The following CTNNA3 variants were observed in gnomAD, a reference collection of about 807,000 sequenced individuals.
CTNNA3 encodes catenin alpha-3.
A neutral mutation model predicts 95.7 loss-of-function variants in CTNNA3; 76 were observed. The ratio of observed to expected loss-of-function variants is 0.79; its 90% CI spans 0.66 to 0.96. CTNNA3 has a LOEUF of 0.96. CTNNA3 is among the 40% of genes least tolerant of loss of function. CTNNA3 has a pLI of 0.00. For synonymous variants in CTNNA3, 431 were observed against 374.4 expected (o/e 1.15, Z -1.74); for missense variants, 1,191 against 1,089.8 (o/e 1.09, Z -1.31).
At chr10:66,539,902 C>A (rs1256254102) in intron 10 of CTNNA3, among the ~76,000 whole-genome samples, 1 of 152,078 alleles carries the variant, frequency 6.6e-6, no homozygotes, top group Admixed American at 6.6e-5. Context: ...TTTAAAAGTA[C>A]TACCTTAAAG....
intron 7 of CTNNA3, among the ~76,000 whole-genome samples, chr10:67,011,123 G>A (rs1852303436): frequency 6.6e-6 from 1 of 151,936 alleles, no homozygotes. Flanking sequence ...AAGTCAAGGG[G>A]TCAAGACCAT....
chr10:66,043,198 A>C (rs1473281341), intron 15 of CTNNA3, among the ~76,000 whole-genome samples: 2 of 151,628 alleles, frequency 1.3e-5, no homozygotes, highest in Non-Finnish European at 2.9e-5. Flanking sequence ...CAAAAAGATA[A>C]ATGATTTAAT....
intron 11 of CTNNA3, among the ~76,000 whole-genome samples, chr10:66,486,579 T>G (rs1318601963): frequency 6.6e-6 from 1 of 152,158 alleles, no homozygotes; most frequent in Non-Finnish European, 1.5e-5. Context: ...CGGGAAGCTT[T>G]GTACACTGTT....
chr10:67,664,179 A>C (rs912280889), intron 1 of CTNNA3, among the ~76,000 whole-genome samples: 1 of 152,190 alleles, frequency 6.6e-6, no homozygotes, highest in Admixed American at 6.5e-5. Context: ...TTTATTTTAA[A>C]CATTGTCTTG....
At chr10:67,320,024 A>C (rs1589162110) in intron 5 of CTNNA3, among the ~76,000 whole-genome samples, 1 of 152,200 alleles carries the variant, frequency 6.6e-6, no homozygotes, top group East Asian at 1.9e-4. Flanking sequence ...CAAACTAGGC[A>C]CATGTCCTCA....
intron 13 of CTNNA3, among the ~76,000 whole-genome samples, chr10:66,178,399 GTATATA>G (rs71035113): frequency 0.033 from 2,990 of 90,640 alleles, 44 homozygotes; most frequent in Non-Finnish European, 0.047. Context: ...CCTTGAAAGT[GTATATA>G]TATATATATA....
At chr10:67,398,433 A>AC (rs1018162994) in intron 5 of CTNNA3, among the ~76,000 whole-genome samples, 1 of 152,150 alleles carries the variant, frequency 6.6e-6, no homozygotes, top group Non-Finnish European at 1.5e-5. Flanking sequence ...CAACACCTGT[A>AC]CCCCCATTTT....
intron 5 of CTNNA3, among the ~76,000 whole-genome samples, chr10:67,386,503 C>G (rs531257588): frequency 6.6e-6 from 1 of 152,186 alleles, no homozygotes; most frequent in African/African-American, 2.4e-5. Flanking sequence ...TACCTAAGAT[C>G]TGACTTCAAC....
intron 10 of CTNNA3, among the ~76,000 whole-genome samples, chr10:66,547,979 A>G (rs1050254260): frequency 6.6e-6 from 1 of 151,146 alleles, no homozygotes; most frequent in Middle Eastern, 3.2e-3. Flanking sequence ...GCAATGGTGC[A>G]ATCTTGGCTC....
intron 16 of CTNNA3, among the ~76,000 whole-genome samples, chr10:65,979,184 C>G (rs1417333764): frequency 3.9e-5 from 6 of 152,114 alleles, no homozygotes; most frequent in Non-Finnish European, 7.4e-5. Context: ...TTATTTTCAA[C>G]TTGGTTTGCA....
At chr10:66,006,195 A>G (rs1452888820) in intron 15 of CTNNA3, among the ~76,000 whole-genome samples, 3 of 151,754 alleles carry the variant, frequency 2.0e-5, no homozygotes, top group Non-Finnish European at 4.4e-5. Flanking sequence ...TTGTATTTTT[A>G]GTAGAGACGG....
intron 15 of CTNNA3, among the ~76,000 whole-genome samples, chr10:66,008,730 T>C (rs2078945807): frequency 6.6e-6 from 1 of 152,220 alleles, no homozygotes; most frequent in Non-Finnish European, 1.5e-5. Context: ...ATCTTGCTAA[T>C]GATAATGTCA....
intron 1 of CTNNA3, among the ~76,000 whole-genome samples, chr10:67,663,948 A>G (rs1840264971): frequency 6.6e-6 from 1 of 152,176 alleles, no homozygotes; most frequent in African/African-American, 2.4e-5. Flanking sequence ...AGTACATTAT[A>G]AAGTCCTGTC....
chr10:67,407,483 G>C (rs1408036739), intron 5 of CTNNA3, among the ~76,000 whole-genome samples: 1 of 152,136 alleles, frequency 6.6e-6, no homozygotes, highest in Non-Finnish European at 1.5e-5. Flanking sequence ...AAAGCTGGAA[G>C]CATTCCCCTT....
In CTNNA3 at chr10:67,741,172, G is replaced by T. The variant is rs531776191; in HGVS notation, c.-2+22262C>A. ...TGGGGACTGTTGTGGCATGGGGAGA[G>T]GGGGGAGAGATAGCATTGGGAGATA... On this transcript the variant is annotated intron_variant, in intron 1 of 17. Coordinates refer to the CTNNA3 transcript ENST00000684154. 2.9e-3 allele frequency among the ~76,000 whole-genome samples: 436 copies of T among 150,970 alleles called. 35 individuals carry two copies. In the South Asian group the frequency reaches 0.089, roughly 31 times the overall value.
intron 11 of CTNNA3, among the ~76,000 whole-genome samples, chr10:66,405,841 C>A (rs1488057367): frequency 6.6e-6 from 1 of 152,160 alleles, no homozygotes; most frequent in Non-Finnish European, 1.5e-5. Context: ...GTAATTTGAT[C>A]CAAGTCTACT....
intron 11 of CTNNA3, among the ~76,000 whole-genome samples, chr10:66,443,098 G>A (rs190223563): frequency 5.3e-5 from 8 of 152,152 alleles, no homozygotes; most frequent in Non-Finnish European, 8.8e-5. Context: ...AGGCCACAGG[G>A]AGGCTGGGGG....
chr10:67,204,660 C>T (rs972444320), intron 6 of CTNNA3, among the ~76,000 whole-genome samples: 2 of 152,140 alleles, frequency 1.3e-5, no homozygotes, highest in South Asian at 2.1e-4. Context: ...CATGACAGTC[C>T]GGAAACGACC....
At chr10:67,246,265 G>A (rs1012569006) in intron 5 of CTNNA3, among the ~76,000 whole-genome samples, 1 of 152,186 alleles carries the variant, frequency 6.6e-6, no homozygotes, top group Non-Finnish European at 1.5e-5. Context: ...CTCTAGGAAT[G>A]GCTTCAATCC....
Sources: allele counts gnomAD v4.1 joint callset (sites outside exome capture counted in the v4.1 genomes callset), GRCh38; gene constraint gnomAD v4.1.1; transcripts MANE v1.5; gene names NCBI Gene and HGNC (gene_info 2026-07-23, HGNC 2026-07-21).